SLIT2: variants seen among roughly 807,000 people sequenced by gnomAD.
SLIT2 encodes the protein slit guidance ligand 2.
A neutral mutation model predicts 185.7 loss-of-function variants in SLIT2; 41 were observed. That is an observed-to-expected ratio of 0.22 (90% CI 0.17 to 0.29). The LOEUF (loss-of-function observed/expected upper bound fraction) is 0.29, where lower values mean the gene tolerates loss of function less well. Among genes scored for constraint, SLIT2 ranks in the 10% least tolerant of loss-of-function variants. The probability of loss-of-function intolerance (pLI) is 1.00; values close to 1 mark genes in which losing one functional copy is unlikely to be tolerated. For missense variants in SLIT2, 1,571 were observed against 1,909.0 expected, an observed-to-expected ratio of 0.82 and a Z score of 3.30; for synonymous variants, 693 against 680.2, an observed-to-expected ratio of 1.02 and a Z score of -0.29.
In SLIT2 at chr4:20,473,330, T is replaced by C. The variant is rs145282349; in HGVS notation, c.467+5507T>C. Among the ~76,000 whole-genome samples the C allele has an allele frequency of 2.6e-5, 4 of 152,176 alleles. No individual in the cohort carries two copies. The East Asian group carries it at 5.8e-4, about 22-fold the overall frequency. The stretch of plus-strand genomic sequence containing the variant: ...ATATGTTGGGGAAAATATTTGTATT[T>C]ATCCTTTTTTGTACATGCATTACTT... On this transcript the variant is annotated intron_variant, in intron 5 of 36. Coordinates refer to ENST00000504154, the MANE Select transcript of SLIT2 (RefSeq NM_004787.4).
Position 20,298,529 on chromosome 4 carries a change from G to C in SLIT2, c.395+29648G>C, listed in dbSNP as rs569455326. On this transcript the variant is annotated intron_variant, in intron 4 of 36. Coordinates refer to ENST00000504154, the MANE Select transcript of SLIT2 (RefSeq NM_004787.4). ...TCTTGTGGACCTGTGGGAACAGCAG[G>C]ACCCAGAGTTTACTATATAACCTGC... is the stretch of plus-strand genomic sequence containing the variant. Among the ~76,000 whole-genome samples, 2 of 152,268 alleles carry C rather than the reference G, an allele frequency of 1.3e-5. 1 individual carries two copies. Among genetic ancestry groups the C allele is most frequent in the East Asian group, 3.9e-4 (2 of 5,182 alleles).
intron 4 of SLIT2, among the ~76,000 whole-genome samples, chr4:20,304,965 C>T (rs1394717825): frequency 6.6e-6 from 1 of 152,190 alleles, no homozygotes; most frequent in East Asian, 1.9e-4. Flanking sequence ...GTGATACCTT[C>T]ATTTATCTTA....
chr4:20,304,194 A>C (rs1321162613), intron 4 of SLIT2, among the ~76,000 whole-genome samples: 2 of 152,148 alleles, frequency 1.3e-5, no homozygotes, highest in Admixed American at 1.3e-4. Flanking sequence ...TACTCAATAC[A>C]CATTTGTTCA....
At chr4:20,451,674 G>T (rs568292806) in intron 4 of SLIT2, among the ~76,000 whole-genome samples, 29 of 152,240 alleles carry the variant, frequency 1.9e-4, no homozygotes, top group African/African-American at 6.5e-4. Flanking sequence ...TAGAATTTTT[G>T]CATATATCAT....
At chr4:20,265,979 C>T (rs1018581225) in intron 3 of SLIT2, among the ~76,000 whole-genome samples, 22 of 151,874 alleles carry the variant, frequency 1.4e-4, no homozygotes, top group African/African-American at 5.3e-4. Flanking sequence ...TTGAACTCTG[C>T]ACTTCTCTCC....
chr4:20,506,181 A>C (rs74417123), intron 9 of SLIT2, among the ~76,000 whole-genome samples: 1 of 151,996 alleles, frequency 6.6e-6, no homozygotes, highest in Non-Finnish European at 1.5e-5. Flanking sequence ...CTCCTTTTAC[A>C]TGGAAAAGTC....
chr4:20,494,050 G>C (rs1483268293), intron 9 of SLIT2, among the ~76,000 whole-genome samples: 1 of 152,188 alleles, frequency 6.6e-6, no homozygotes, highest in African/African-American at 2.4e-5. Flanking sequence ...AAGGATCTTG[G>C]ATTTTATTTG....
intron 20 of SLIT2, among the ~76,000 whole-genome samples, chr4:20,541,860 G>T (rs1722824840): frequency 7.4e-6 from 1 of 134,246 alleles, no homozygotes; most frequent in Non-Finnish European, 1.7e-5. Flanking sequence ...ACTTGTGGTT[G>T]GTCTTACTTA....
rs535958842 is a variant in SLIT2 at position 20,395,942 on chromosome 4, C to A, written c.396-71810C>A. ...TTTTATTTACTAATGTTAAACATTACAAAGTAAAATTAATATAAGTAAAAT... is the reference window on the plus strand; with the variant it reads ...TTTTATTTACTAATGTTAAACATTAAAAAGTAAAATTAATATAAGTAAAAT... On this transcript the variant is annotated intron_variant, in intron 4 of 36. Transcript: ENST00000504154. Among the ~76,000 whole-genome samples the A allele has an allele frequency of 2.6e-5, 4 of 151,582 alleles. No homozygotes were observed. The South Asian group carries it at 8.3e-4, about 32-fold the overall frequency.
chr4:20,399,305 T>C (rs1008327275), intron 4 of SLIT2, among the ~76,000 whole-genome samples: 2 of 151,614 alleles, frequency 1.3e-5, no homozygotes, highest in African/African-American at 4.8e-5. Context: ...TTAATTGAGA[T>C]AATATTACAA....
At chr4:20,603,809 C>G (rs556101825) in intron 33 of SLIT2, among the ~76,000 whole-genome samples, 31 of 152,212 alleles carry the variant, frequency 2.0e-4, no homozygotes, top group Non-Finnish European at 1.6e-4. Context: ...ACAAAAGAAA[C>G]TCAACAAAGA....
chr4:20,285,747 C>T (rs899862565), intron 4 of SLIT2, among the ~76,000 whole-genome samples: 5 of 152,122 alleles, frequency 3.3e-5, no homozygotes, highest in African/African-American at 1.2e-4. Flanking sequence ...GGTGTTTCAC[C>T]ATATTGCCCA....
At chr4:20,516,106 C>T (rs1318074443) in intron 11 of SLIT2, among the ~76,000 whole-genome samples, 1 of 152,212 alleles carries the variant, frequency 6.6e-6, no homozygotes, top group African/African-American at 2.4e-5. Context: ...TGAGCCACTG[C>T]GCCTGGCCTC....
chr4:20,353,273 A>G (rs897064860), intron 4 of SLIT2, among the ~76,000 whole-genome samples: 7 of 152,170 alleles, frequency 4.6e-5, no homozygotes, highest in Non-Finnish European at 1.0e-4. Context: ...ACTTCACAGG[A>G]AAAAAAGGAG....
intron 4 of SLIT2, among the ~76,000 whole-genome samples, chr4:20,410,404 A>G (rs891538787): frequency 8.7e-5 from 13 of 149,208 alleles, no homozygotes; most frequent in African/African-American, 3.2e-4. Flanking sequence ...GCCTGCCACC[A>G]TGCCCAGCTA....
At chr4:20,356,552 A>C (rs1193050840) in intron 4 of SLIT2, among the ~76,000 whole-genome samples, 2 of 152,228 alleles carry the variant, frequency 1.3e-5, no homozygotes, top group Admixed American at 1.3e-4. Context: ...AATAGTGTCC[A>C]ATGCATTTAA....
At chr4:20,283,780 T>C (rs1410355281) in intron 4 of SLIT2, among the ~76,000 whole-genome samples, 1 of 152,216 alleles carries the variant, frequency 6.6e-6, no homozygotes, top group Non-Finnish European at 1.5e-5. Context: ...AATAATTTAC[T>C]TCAAATTATA....
In SLIT2 at chr4:20,542,573, C is replaced by T; in HGVS notation, c.2223C>T (p.Ser741=). ...CTCLDTVVRC[S]NKGLKVLPKG... ...GCTTGGATACAGTCGTCCGATGTAG[C>T]AACAAGGGTTTGAAGGTCTTGCCGA... The change falls in exon 21 of 37, where the codon AGC becomes AGT. Residue 741 remains serine, a synonymous_variant. Coordinates refer to ENST00000504154, the MANE Select transcript of SLIT2 (RefSeq NM_004787.4). The T allele has an allele frequency of 6.2e-7, 1 of 1,613,872 alleles. No homozygotes were observed. The highest frequency in any genetic ancestry group is 1.1e-5 in the South Asian group (1 of 91,072).
At chr4:20,549,007 G>T in intron 23 of SLIT2, 50 bp from the exon 24 acceptor site, 1 of 1,028,482 alleles carries the variant, frequency 9.7e-7, no homozygotes, top group Non-Finnish European at 1.5e-6. Flanking sequence ...GAAGTATTTG[G>T]CCATTTTTGG....
Sources: allele counts gnomAD v4.1 joint callset (sites outside exome capture counted in the v4.1 genomes callset), GRCh38; gene constraint gnomAD v4.1.1; transcripts MANE v1.5; gene names NCBI Gene and HGNC (gene_info 2026-07-23, HGNC 2026-07-21).